AKAP6: variants seen among roughly 807,000 people sequenced by gnomAD.
The protein encoded by AKAP6 is A-kinase anchor protein 6.
In AKAP6, 58 loss-of-function variants were observed where a neutral mutation model predicts 188.5. The ratio of observed to expected loss-of-function variants is 0.31; its 90% CI spans 0.25 to 0.38. The LOEUF is 0.38. Among genes scored for constraint, AKAP6 ranks in the 10% least tolerant of loss-of-function variants. The pLI, the probability that AKAP6 is intolerant of heterozygous loss-of-function variation, is 1.00. For missense variants in AKAP6, 2,710 were observed against 2,740.0 expected (o/e 0.99, Z 0.24); for synonymous variants, 989 against 998.6 (o/e 0.99, Z 0.18).
At chr14:32,765,375 A>C (rs1427228478) in intron 11 of AKAP6, among the ~76,000 whole-genome samples, 1 of 152,200 alleles carries the variant, frequency 6.6e-6, no homozygotes, top group Non-Finnish European at 1.5e-5. Flanking sequence ...TCATTTTTGC[A>C]CTGATACTAA....
rs192003417 is a variant in AKAP6 at position 32,587,894 on chromosome 14, A to G, written c.2469+10652A>G. 4.1e-3 allele frequency among the ~76,000 whole-genome samples: 617 copies of G among 152,308 alleles called. 4 individuals are homozygous for G. Among genetic ancestry groups the G allele is most frequent in the South Asian group, 6.4e-3 (31 of 4,822 alleles). On this transcript the variant is annotated intron_variant, in intron 5 of 13. Coordinates refer to ENST00000280979, the MANE Select transcript of AKAP6 (RefSeq NM_004274.5). ...GTGAAACCAGGTAACGTGATATTAT[A>G]AGTAGTATTTACATGGAAAAGAAGG...
At chr14:32,523,209 A>G (rs1031210603) in intron 2 of AKAP6, among the ~76,000 whole-genome samples, 4 of 152,174 alleles carry the variant, frequency 2.6e-5, no homozygotes, top group Non-Finnish European at 4.4e-5. Context: ...GGATAACATT[A>G]GGAGATATAC....
At chr14:32,348,354 A>C (rs1490323212) in intron 1 of AKAP6, among the ~76,000 whole-genome samples, 1 of 151,936 alleles carries the variant, frequency 6.6e-6, no homozygotes, top group Non-Finnish European at 1.5e-5. Flanking sequence ...AGTAAGAAGA[A>C]TGTGGATACT....
intron 2 of AKAP6, among the ~76,000 whole-genome samples, chr14:32,506,764 C>A (rs1309052283): frequency 1.3e-5 from 2 of 151,596 alleles, no homozygotes; most frequent in Admixed American, 6.6e-5. Flanking sequence ...AACTCTTGAC[C>A]TCAAGTGATC....
chr14:32,568,376 A>G lies in AKAP6; in HGVS notation c.2347-8744A>G, dbSNP rs555519848. ...AGCCTCTTCATCTGTACAATGGGGA[A>G]ATTTGACTATTCAATAACTTCACAA... On this transcript the variant is annotated intron_variant, in intron 4 of 13. Coordinates refer to ENST00000280979, the MANE Select transcript of AKAP6 (RefSeq NM_004274.5). This position sits in a 1 kb window ranked among gnomAD's most constrained non-coding sequence, Gnocchi z 6.2. Among the ~76,000 whole-genome samples the G allele has an allele frequency of 6.6e-6, 1 of 152,270 alleles. No individual in the cohort carries two copies. Among genetic ancestry groups the G allele is most frequent in the Admixed American group, 6.5e-5 (1 of 15,284 alleles).
intron 5 of AKAP6, among the ~76,000 whole-genome samples, chr14:32,579,728 T>G (rs1250307899): frequency 6.6e-6 from 1 of 152,180 alleles, no homozygotes; most frequent in Non-Finnish European, 1.5e-5. Flanking sequence ...ATTGTCATTT[T>G]TATTGTATTT....
At chr14:32,521,181 G>A (rs1202850225) in intron 2 of AKAP6, among the ~76,000 whole-genome samples, 1 of 152,100 alleles carries the variant, frequency 6.6e-6, no homozygotes, top group African/African-American at 2.4e-5. Context: ...TTGATGGGAT[G>A]TATCTCAAAA....
intron 2 of AKAP6, among the ~76,000 whole-genome samples, chr14:32,517,063 A>G (rs749203519): frequency 6.6e-6 from 1 of 152,224 alleles, no homozygotes; most frequent in Admixed American, 6.5e-5. Context: ...AGTGGATCAT[A>G]TATGTTTAAA....
At chr14:32,492,282 T>C (rs1880056694) in intron 2 of AKAP6, among the ~76,000 whole-genome samples, 2 of 149,240 alleles carry the variant, frequency 1.3e-5, no homozygotes. Flanking sequence ...CTCCTCTTTT[T>C]CCTGTTCTCT....
chr14:32,517,477 C>T (rs142911895), intron 2 of AKAP6, among the ~76,000 whole-genome samples: 16 of 152,094 alleles, frequency 1.1e-4, no homozygotes, highest in East Asian at 1.9e-4. Context: ...CAAAGCAGGG[C>T]GGGGCATCAC....
intron 12 of AKAP6, among the ~76,000 whole-genome samples, chr14:32,785,152 G>A (rs1488771766): frequency 6.6e-6 from 1 of 151,914 alleles, no homozygotes; most frequent in African/African-American, 2.4e-5. Flanking sequence ...CTTGTTCATT[G>A]GCTCTTTTTT....
intron 2 of AKAP6, among the ~76,000 whole-genome samples, chr14:32,504,671 C>CAATCAT (rs2138995951): frequency 6.6e-6 from 1 of 152,240 alleles, no homozygotes; most frequent in East Asian, 1.9e-4. Context: ...CCCAAATATA[C>CAATCAT]AATCATATCA....
intron 12 of AKAP6, among the ~76,000 whole-genome samples, chr14:32,816,234 T>G (rs1157985376): frequency 6.6e-6 from 1 of 152,106 alleles, no homozygotes; most frequent in East Asian, 1.9e-4. Context: ...TGCTGTATTG[T>G]CAAGCTGGTG....
intron 2 of AKAP6, among the ~76,000 whole-genome samples, chr14:32,528,746 C>T (rs953001231): frequency 2.6e-5 from 4 of 152,060 alleles, no homozygotes; most frequent in Admixed American, 1.3e-4. Flanking sequence ...GGCGTGATCT[C>T]GGCTCACTGC....
chr14:32,362,644 A>G (rs1025079631), intron 1 of AKAP6, among the ~76,000 whole-genome samples: 4 of 152,188 alleles, frequency 2.6e-5, no homozygotes, highest in African/African-American at 9.7e-5. Context: ...CAGGTGATGT[A>G]ACTGAGGTAT....
chr14:32,807,100 C>G (rs2034110298), intron 12 of AKAP6, among the ~76,000 whole-genome samples: 2 of 151,014 alleles, frequency 1.3e-5, no homozygotes, highest in South Asian at 2.1e-4. Flanking sequence ...AATCCCACAT[C>G]TTTGGAAGGC....
chr14:32,707,425 A>G lies in AKAP6; in HGVS notation c.3000+11315A>G, dbSNP rs369657993. Among the ~76,000 whole-genome samples the G allele has an allele frequency of 1.2e-4, 18 of 152,194 alleles. No individual in the cohort carries two copies. In the South Asian group the frequency reaches 3.7e-3, roughly 32 times the overall value. On this transcript the variant is annotated intron_variant, in intron 9 of 13. Transcript: ENST00000280979. Reference sequence around the variant, plus strand: ...TAGTACTCAAAAGTGCCTCCCTGTGAAAGTTCTTCTTGGGGATTATTCAGC... The same window carrying G: ...TAGTACTCAAAAGTGCCTCCCTGTGGAAGTTCTTCTTGGGGATTATTCAGC...
At position 32,836,608 on chromosome 14, in the gene AKAP6, G is replaced by A. The variant is rs906721709; in HGVS notation, c.*6803G>A. On this transcript the variant is annotated 3_prime_UTR_variant, in exon 14 of 14. Transcript: ENST00000280979. The stretch of plus-strand genomic sequence containing the variant: ...GTATCTTAAGGCAGCAGATTGGAGT[G>A]ACGTTACTTTAAGGGTAACTTTGAA... The A allele has an allele frequency of 6.6e-6, 1 of 152,072 alleles. No individual in the cohort carries two copies. Among genetic ancestry groups the A allele is most frequent in the Non-Finnish European group, 1.5e-5 (1 of 68,030 alleles). The allele number at this position is 152,072 out of a possible 1,614,324, so 9.4% of individuals were successfully genotyped here. A position where few individuals can be genotyped will look rare whatever the true frequency, so the allele number is the denominator to read the frequency against.
At position 32,813,396 on chromosome 14, in the gene AKAP6, C is replaced by CCG. The variant is rs1555365148; in HGVS notation, c.3589-8005_3589-8004insGC. Among the ~76,000 whole-genome samples, 13 of 121,914 alleles carry CCG rather than the reference C, an allele frequency of 1.1e-4. 1 individual carries two copies. In the South Asian group the frequency reaches 1.9e-3, roughly 18 times the overall value. 80.0% of individuals were successfully genotyped at this position (121,914 alleles called of 152,430 possible). On this transcript the variant is annotated intron_variant, in intron 12 of 13. Transcript: ENST00000280979. ...GTTTTCATCTCTAACCCTACCCCCC[C>CCG]CCCCAACCCCTTTCCCAGAGGTCCT...
Sources: allele counts gnomAD v4.1 joint callset (sites outside exome capture counted in the v4.1 genomes callset), GRCh38; gene constraint gnomAD v4.1.1; non-coding constraint Gnocchi (gnomAD v3.1); transcripts MANE v1.5; gene names NCBI Gene and HGNC (gene_info 2026-07-23, HGNC 2026-07-21).